The following CDK19 variants were observed in gnomAD, a reference collection of about 807,000 sequenced individuals.
The protein encoded by CDK19 is cyclin dependent kinase 19, also known as cyclin-dependent kinase 19.
CDK19 carries 20 observed loss-of-function variants against 68.3 expected under a neutral mutation model. The ratio of observed to expected loss-of-function variants is 0.29; its 90% CI spans 0.21 to 0.43. The LOEUF is 0.43. Ranked by LOEUF, CDK19 falls within the 20% of genes least tolerant of loss-of-function variation. The pLI is 1.00. For synonymous variants in CDK19, 221 were observed against 222.8 expected (o/e 0.99, Z 0.07); for missense variants, 339 against 623.5 (o/e 0.54, Z 4.86).
chr6:110,662,239 G>A (rs1781664179), intron 4 of CDK19, among the ~76,000 whole-genome samples: 1 of 151,960 alleles, frequency 6.6e-6, no homozygotes, highest in African/African-American at 2.4e-5. Context: ...TGAAGTGCTG[G>A]GATTACATGC....
Position 110,734,520 on chromosome 6 carries a change from G to GCTCGCTCTCTCT in CDK19, c.204+11605_204+11606insAGAGAGAGCGAG, listed in dbSNP as rs991736850. Among the ~76,000 whole-genome samples the GCTCGCTCTCTCT allele has an allele frequency of 8.6e-4, 74 of 85,782 alleles. 2 individuals carry two copies. Among genetic ancestry groups the GCTCGCTCTCTCT allele is most frequent in the Non-Finnish European group, 1.3e-3 (57 of 42,848 alleles). The allele number at this position is 85,782 out of a possible 152,430, so 56.3% of individuals were successfully genotyped here. A position where few individuals can be genotyped will look rare whatever the true frequency, so the allele number is the denominator to read the frequency against. ...TGATAAAACTAAGAGGGTGAGCACT[G>GCTCGCTCTCTCT]CTCTCTCTCTCTCTCTCTCTCTCTC... is the stretch of plus-strand genomic sequence containing the variant. On this transcript the variant is annotated intron_variant, in intron 2 of 12. Coordinates refer to ENST00000368911, the MANE Select transcript of CDK19 (RefSeq NM_015076.5).
At chr6:110,812,386 T>G (rs1476740569) in intron 1 of CDK19, among the ~76,000 whole-genome samples, 3 of 152,156 alleles carry the variant, frequency 2.0e-5, no homozygotes, top group Admixed American at 6.5e-5. Flanking sequence ...CCTCCCAAAG[T>G]GCTGGGATTA....
chr6:110,630,766 T>C (rs560597152), intron 6 of CDK19, among the ~76,000 whole-genome samples: 33 of 152,340 alleles, frequency 2.2e-4, no homozygotes, highest in African/African-American at 7.9e-4. Context: ...GTCAAACACA[T>C]ACCAGTTTAC....
chr6:110,644,494 T>A (rs1780419032), intron 4 of CDK19, among the ~76,000 whole-genome samples: 1 of 152,076 alleles, frequency 6.6e-6, no homozygotes, highest in Non-Finnish European at 1.5e-5. Context: ...AATTGTACTT[T>A]TAAAAATAAC....
intron 1 of CDK19, 125 bp downstream of exon 1, chr6:110,814,884 A>T: frequency 7.6e-7 from 1 of 1,320,354 alleles, no homozygotes; most frequent in Non-Finnish European, 1.0e-6. Flanking sequence ...TCCGGACGCA[A>T]CCCCGCGACC....
intron 2 of CDK19, among the ~76,000 whole-genome samples, chr6:110,685,481 T>C (rs1350263602): frequency 6.6e-6 from 1 of 152,216 alleles, no homozygotes; most frequent in Non-Finnish European, 1.5e-5. Context: ...CATAGTATAA[T>C]TGTCTCCCCC....
chr6:110,815,824 C>G (rs776729859), upstream of CDK19: 7 of 152,510 alleles, frequency 4.6e-5, no homozygotes, highest in Non-Finnish European at 7.3e-5. Context: ...GAAGGGTTGG[C>G]TGCAGTGACT....
At chr6:110,800,914 A>G (rs1453134488) in intron 1 of CDK19, among the ~76,000 whole-genome samples, 2 of 151,888 alleles carry the variant, frequency 1.3e-5, no homozygotes, top group Non-Finnish European at 2.9e-5. Flanking sequence ...CACTCTCACC[A>G]CCCCTATTCA....
intron 2 of CDK19, among the ~76,000 whole-genome samples, chr6:110,696,242 A>T (rs1216292799): frequency 2.6e-5 from 4 of 152,250 alleles, no homozygotes; most frequent in Non-Finnish European, 5.9e-5. Context: ...GTTAAAAACA[A>T]AAATGATATG....
At chr6:110,678,856 C>T (rs1428865786) in intron 2 of CDK19, among the ~76,000 whole-genome samples, 2 of 152,188 alleles carry the variant, frequency 1.3e-5, no homozygotes, top group Admixed American at 6.5e-5. Flanking sequence ...AAATTATGTG[C>T]TGTCCGGTAG....
At chr6:110,643,323 G>C in intron 4 of CDK19, 1 of 558,092 alleles carries the variant, frequency 1.8e-6, no homozygotes. Context: ...AAAGCTGAAA[G>C]TAAAAGGCAA....
intron 2 of CDK19, among the ~76,000 whole-genome samples, chr6:110,743,110 A>T (rs1290988632): frequency 6.6e-6 from 1 of 152,154 alleles, no homozygotes; most frequent in Admixed American, 6.6e-5. Flanking sequence ...AAATAGAAAG[A>T]ACATACGTTG....
chr6:110,797,529 C>T (rs916017802), intron 1 of CDK19, among the ~76,000 whole-genome samples: 3 of 150,606 alleles, frequency 2.0e-5, no homozygotes, highest in Non-Finnish European at 3.0e-5. Flanking sequence ...AAGAAATGAA[C>T]GGAAGAAAGA....
chr6:110,684,055 T>A (rs1487414404), intron 2 of CDK19, among the ~76,000 whole-genome samples: 1 of 151,884 alleles, frequency 6.6e-6, no homozygotes, highest in Non-Finnish European at 1.5e-5. Context: ...ATATACTTCT[T>A]ATAAATCAAG....
At chr6:110,745,274 G>A (rs1339920264) in intron 2 of CDK19, among the ~76,000 whole-genome samples, 1 of 151,910 alleles carries the variant, frequency 6.6e-6, no homozygotes, top group Non-Finnish European at 1.5e-5. Flanking sequence ...TAGTAAGCCT[G>A]GTATCTAGTA....
At chr6:110,778,965 T>C (rs1303353182) in intron 1 of CDK19, among the ~76,000 whole-genome samples, 1 of 152,120 alleles carries the variant, frequency 6.6e-6, no homozygotes, top group Non-Finnish European at 1.5e-5. Context: ...TCTTTGATGA[T>C]CCTACAGTCA....
At chr6:110,746,224 C>G in intron 1 of CDK19, 23 bp from the exon 2 acceptor site, 1 of 1,403,582 alleles carries the variant, frequency 7.1e-7, no homozygotes, top group Non-Finnish European at 9.9e-7. Flanking sequence ...AAAAAAACAT[C>G]ATTTTTCCAT....
chr6:110,742,562 G>A (rs979754760), intron 2 of CDK19, among the ~76,000 whole-genome samples: 1 of 152,180 alleles, frequency 6.6e-6, no homozygotes, highest in Non-Finnish European at 1.5e-5. Flanking sequence ...ATAAACGGAC[G>A]TGCAAGTAGG....
intron 2 of CDK19, among the ~76,000 whole-genome samples, chr6:110,736,781 T>C (rs1394739349): frequency 6.6e-6 from 1 of 152,216 alleles, no homozygotes; most frequent in Non-Finnish European, 1.5e-5. Flanking sequence ...TGCACATTTA[T>C]ATTCAGACTC....
Sources: allele counts gnomAD v4.1 joint callset (sites outside exome capture counted in the v4.1 genomes callset), GRCh38; gene constraint gnomAD v4.1.1; transcripts MANE v1.5; gene names NCBI Gene and HGNC (gene_info 2026-07-23, HGNC 2026-07-21).